Variants in AFAP1L1 observed in about 807,000 individuals in gnomAD.
The protein encoded by AFAP1L1 is actin filament associated protein 1 like 1, also known as actin filament-associated protein 1-like 1.
A neutral mutation model predicts 99.8 loss-of-function variants in AFAP1L1; 77 were observed. That is an observed-to-expected ratio of 0.77 (90% CI 0.64 to 0.93). The LOEUF is 0.93. Ranked by LOEUF, AFAP1L1 falls within the 40% of genes least tolerant of loss-of-function variation. AFAP1L1 has a pLI of 0.00. For synonymous variants in AFAP1L1, 373 were observed against 395.3 expected (o/e 0.94, Z 0.67); for missense variants, 893 against 996.8 (o/e 0.90, Z 1.40).
chr5:149,305,149 G>A (rs1756368374), intron 5 of AFAP1L1, among the ~76,000 whole-genome samples: 2 of 152,348 alleles, frequency 1.3e-5, no homozygotes, highest in Middle Eastern at 3.4e-3. Flanking sequence ...CATTGTGTGT[G>A]CCAGGCGCTG....
intron 1 of AFAP1L1, among the ~76,000 whole-genome samples, chr5:149,298,871 A>G (rs1756096870): frequency 6.6e-6 from 1 of 152,252 alleles, no homozygotes. Flanking sequence ...CACCTCCTGA[A>G]TCAGAATTTG....
chr5:149,316,604 C>G (rs181731040), intron 11 of AFAP1L1, among the ~76,000 whole-genome samples: 1 of 152,096 alleles, frequency 6.6e-6, no homozygotes, highest in Admixed American at 6.6e-5. Context: ...GTTTCCTCCA[C>G]GATAACAAGA....
intron 1 of AFAP1L1, among the ~76,000 whole-genome samples, chr5:149,272,203 C>T (rs1037186728): frequency 6.6e-6 from 1 of 152,216 alleles, no homozygotes; most frequent in Non-Finnish European, 1.5e-5. Context: ...GGCCAACTCG[C>T]CTCTCGTGTG....
At chr5:149,328,707 G>A (rs1399280226) in intron 15 of AFAP1L1, among the ~76,000 whole-genome samples, 2 of 152,046 alleles carry the variant, frequency 1.3e-5, no homozygotes, top group African/African-American at 2.4e-5. Context: ...TACTCTACTC[G>A]GGAGGCTGAG....
intron 3 of AFAP1L1, 25 bp downstream of exon 3, chr5:149,300,379 G>T: frequency 6.3e-7 from 1 of 1,597,426 alleles, no homozygotes; most frequent in African/African-American, 1.3e-5. Context: ...CCCAACCTCA[G>T]CTACGGAGCC....
intron 5 of AFAP1L1, among the ~76,000 whole-genome samples, chr5:149,303,699 CAT>C (rs1219498823): frequency 2.0e-5 from 3 of 152,168 alleles, no homozygotes; most frequent in African/African-American, 4.8e-5. Flanking sequence ...CACACACACA[CAT>C]GCATCCGTTT....
At chr5:149,289,385 TC>T (rs147586754) in intron 1 of AFAP1L1, among the ~76,000 whole-genome samples, 6,819 of 152,130 alleles carry the variant, frequency 0.045, 187 homozygotes, top group Middle Eastern at 0.084. Context: ...GCCTCTGCCG[TC>T]CCTCACACAG....
At chr5:149,279,125 T>C (rs897369978) in intron 1 of AFAP1L1, among the ~76,000 whole-genome samples, 6 of 152,114 alleles carry the variant, frequency 3.9e-5, no homozygotes, top group Admixed American at 3.3e-4. Context: ...TTGAAGGAAA[T>C]GGGGGTGTTT....
intron 16 of AFAP1L1, among the ~76,000 whole-genome samples, chr5:149,331,212 G>A (rs1757246587): frequency 6.6e-6 from 1 of 152,044 alleles, no homozygotes; most frequent in Non-Finnish European, 1.5e-5. Context: ...CGAGGCAGGA[G>A]GCCTGTTTGA....
At chr5:149,319,760 A>T (rs1298447560) in intron 13 of AFAP1L1, 33 bp downstream of exon 13, 1 of 1,607,168 alleles carries the variant, frequency 6.2e-7, no homozygotes, top group Non-Finnish European at 8.5e-7. Flanking sequence ...ACACCTGCCC[A>T]GGACCTTTCC....
At chr5:149,298,276 G>T (rs1013278641) in intron 1 of AFAP1L1, among the ~76,000 whole-genome samples, 3 of 152,180 alleles carry the variant, frequency 2.0e-5, no homozygotes, top group Admixed American at 2.0e-4. Context: ...CTTCAAGCAA[G>T]TTATTTATCT....
chr5:149,290,955 A>G (rs1321672040), intron 1 of AFAP1L1, among the ~76,000 whole-genome samples: 1 of 152,262 alleles, frequency 6.6e-6, no homozygotes, highest in African/African-American at 2.4e-5. Flanking sequence ...AAGTTGGGGA[A>G]AGTGACCATC....
intron 9 of AFAP1L1, among the ~76,000 whole-genome samples, chr5:149,314,741 G>T (rs891094709): frequency 6.6e-5 from 10 of 152,158 alleles, no homozygotes; most frequent in African/African-American, 1.9e-4. Flanking sequence ...CCGTCCCCCG[G>T]TGCTATGCTT....
At chr5:149,330,138 GC>G (rs1438655844) in intron 16 of AFAP1L1, among the ~76,000 whole-genome samples, 3 of 152,216 alleles carry the variant, frequency 2.0e-5, no homozygotes, top group African/African-American at 7.2e-5. Context: ...ACAGAAGTGT[GC>G]CTTAGAATCA....
At chr5:149,283,164 C>A (rs938845725) in intron 1 of AFAP1L1, among the ~76,000 whole-genome samples, 1 of 152,234 alleles carries the variant, frequency 6.6e-6, no homozygotes, top group Admixed American at 6.5e-5. Flanking sequence ...AGTCACCTGA[C>A]AGGTTCCCGT....
At chr5:149,319,149 T>C (rs1192718241) in intron 12 of AFAP1L1, among the ~76,000 whole-genome samples, 1 of 152,244 alleles carries the variant, frequency 6.6e-6, no homozygotes, top group Non-Finnish European at 1.5e-5. Context: ...GATTTTCCTA[T>C]ACACAGTATT....
At chr5:149,276,169 A>G (rs1411950568) in intron 1 of AFAP1L1, among the ~76,000 whole-genome samples, 1 of 152,198 alleles carries the variant, frequency 6.6e-6, no homozygotes, top group East Asian at 1.9e-4. Context: ...GGCCCCAGAC[A>G]TCTCCATGGC....
intron 12 of AFAP1L1, among the ~76,000 whole-genome samples, chr5:149,318,714 A>T (rs1305407533): frequency 6.6e-6 from 1 of 152,224 alleles, no homozygotes; most frequent in Non-Finnish European, 1.5e-5. Context: ...TCTCTCTTCC[A>T]CATGGCAACC....
chr5:149,294,717 G>A (rs774176921), intron 1 of AFAP1L1, among the ~76,000 whole-genome samples: 1 of 152,202 alleles, frequency 6.6e-6, no homozygotes, highest in Non-Finnish European at 1.5e-5. Context: ...CCACCCACAG[G>A]TAAAGGTATC....
Sources: gnomAD v4.1 joint callset for allele counts (sites outside exome capture counted in the v4.1 genomes callset) on GRCh38, gnomAD v4.1.1 for gene constraint, MANE v1.5 for transcripts, NCBI Gene and HGNC (gene_info 2026-07-23, HGNC 2026-07-21) for gene names.